The following SYNE1 variants were observed in gnomAD, a reference collection of about 807,000 sequenced individuals.
SYNE1 encodes the protein nesprin-1.
In SYNE1, 616 loss-of-function variants were observed where a neutral mutation model predicts 1,111.0. That is an observed-to-expected ratio of 0.55 (90% CI 0.52 to 0.59). The LOEUF is 0.59. Among genes scored for constraint, SYNE1 ranks in the 20% least tolerant of loss-of-function variants. SYNE1 has a pLI of 0.00. For synonymous variants in SYNE1, 3,855 were observed against 3,825.8 expected, an observed-to-expected ratio of 1.01 and a Z score of -0.28; for missense variants, 10,006 against 10,417.0, an observed-to-expected ratio of 0.96 and a Z score of 1.72.
At chr6:152,483,015 G>T (rs2098917193) in intron 14 of SYNE1, 70 bp downstream of exon 14, 1 of 1,574,442 alleles carries the variant, frequency 6.4e-7, no homozygotes, top group African/African-American at 1.3e-5. Context: ...AGAGCAGGTT[G>T]TAACTAGGCT....
intron 112 of SYNE1, 47 bp from the exon 113 acceptor site, chr6:152,232,312 C>T (rs184918816): frequency 1.2e-6 from 2 of 1,603,084 alleles, no homozygotes; most frequent in African/African-American, 2.7e-5. Context: ...AAAATGGAAA[C>T]CCCAACTTCT....
intron 3 of SYNE1, among the ~76,000 whole-genome samples, chr6:152,580,627 C>G (rs981666410): frequency 6.6e-6 from 1 of 152,112 alleles, no homozygotes; most frequent in African/African-American, 2.4e-5. Context: ...TTTTCTTCTA[C>G]AGTTTTATAG....
intron 73 of SYNE1, 56 bp from the exon 74 acceptor site, chr6:152,344,283 A>T (rs1047513657): frequency 1.9e-6 from 3 of 1,610,974 alleles, no homozygotes; most frequent in Non-Finnish European, 2.5e-6. Context: ...CTCTATAAAG[A>T]TCATTCAAAT....
intron 3 of SYNE1, among the ~76,000 whole-genome samples, chr6:152,540,829 GCC>G (rs2099265800): frequency 6.6e-6 from 1 of 152,208 alleles, no homozygotes; most frequent in Admixed American, 6.5e-5. Context: ...TCAGTGAACA[GCC>G]AGTAAGACAC....
chr6:152,322,818 C>T (rs2095908844), intron 82 of SYNE1, among the ~76,000 whole-genome samples: 1 of 152,174 alleles, frequency 6.6e-6, no homozygotes. Context: ...TTCAATTCCC[C>T]TTCTGAAGGG....
chr6:152,268,401 A>C (rs1243887560), intron 99 of SYNE1, among the ~76,000 whole-genome samples: 4 of 151,654 alleles, frequency 2.6e-5, no homozygotes, highest in African/African-American at 9.7e-5. Context: ...AAAAAAAAAA[A>C]AAACCACCAA....
intron 74 of SYNE1, among the ~76,000 whole-genome samples, chr6:152,342,810 G>A (rs2096558419): frequency 1.3e-5 from 2 of 152,220 alleles, no homozygotes; most frequent in South Asian, 4.1e-4. Flanking sequence ...TTCAGCATGT[G>A]GATGTCAAAT....
Position 152,484,844 on chromosome 6 carries a change from C to T in SYNE1, c.1176G>A (p.Val392=), listed in dbSNP as rs776130961. ...TTGTGGGAGAACTTACCCTGGAGGT[C>T]ACTCTATCCCAAGATTGTTTTACCA... ...QALVKQSWDR[V]TSRLFDWHIQ... The change falls in exon 13 of 146, where the codon GTG becomes GTA. Residue 392 remains valine (V), a synonymous_variant. Coordinates refer to ENST00000367255, the MANE Select transcript of SYNE1 (RefSeq NM_182961.4). 4 of 1,613,798 alleles carry T rather than the reference C, an allele frequency of 2.5e-6. No homozygotes were observed. Among genetic ancestry groups the T allele is most frequent in the Non-Finnish European group, 3.4e-6 (4 of 1,179,960 alleles).
chr6:152,213,675 T>G lies in SYNE1; in HGVS notation c.22431A>C (p.Gln7477His), dbSNP rs752421314. 10 of 1,614,068 alleles carry G rather than the reference T, an allele frequency of 6.2e-6. No individual in the cohort carries two copies. The East Asian group carries it at 2.2e-4, about 36-fold the overall frequency. ...TWMEFLVQTE[Q>H]KLAVEISGNY... ...TTCCTGAAATCTCTACTGCTAACTTTTGTTCTGTCTGAACTAGGAATTCCA... is the reference window on the plus strand; with the variant it reads ...TTCCTGAAATCTCTACTGCTAACTTGTGTTCTGTCTGAACTAGGAATTCCA... The change falls in exon 123 of 146, where the codon CAA becomes CAC. Residue 7477 changes from glutamine to histidine, a missense_variant. By Grantham distance (24) the Gln-to-His change is conservative. Around this residue, in one of 7 missense-constraint regions of SYNE1, gnomAD observed 2,182 missense variants for 2,287.8 expected, o/e 0.95. Transcript: ENST00000367255.
At chr6:152,486,715 A>C (rs1404823173) in intron 12 of SYNE1, among the ~76,000 whole-genome samples, 1 of 152,228 alleles carries the variant, frequency 6.6e-6, no homozygotes, top group Non-Finnish European at 1.5e-5. Flanking sequence ...AAAAGAGTAC[A>C]TGCATATTAA....
At chr6:152,234,585 C>A in intron 111 of SYNE1, 83 bp downstream of exon 111, 2 of 1,562,128 alleles carry the variant, frequency 1.3e-6, no homozygotes, top group Middle Eastern at 1.7e-4. Context: ...GCCACCGCAC[C>A]CGGCCTGACT....
chr6:152,249,039 A>G, intron 105 of SYNE1, 122 bp downstream of exon 105: 1 of 744,514 alleles, frequency 1.3e-6, no homozygotes, highest in Non-Finnish European at 2.4e-6. Flanking sequence ...CTCAAAAACA[A>G]AAATACTACA....
chr6:152,320,602 G>A (rs1038580353), intron 84 of SYNE1, among the ~76,000 whole-genome samples: 24 of 152,060 alleles, frequency 1.6e-4, no homozygotes, highest in African/African-American at 5.8e-4. Context: ...TGAGACCAGA[G>A]ACAGAAATCT....
intron 58 of SYNE1, 96 bp from the exon 59 acceptor site, chr6:152,373,315 T>C: frequency 8.6e-7 from 1 of 1,158,618 alleles, no homozygotes; most frequent in Non-Finnish European, 1.2e-6. Flanking sequence ...AGTCTCACTC[T>C]GTCACTCAGG....
intron 56 of SYNE1, among the ~76,000 whole-genome samples, chr6:152,377,640 A>AAATAT (rs1563520159): frequency 5.0e-4 from 17 of 33,872 alleles, no homozygotes; most frequent in African/African-American, 1.0e-3. Flanking sequence ...AAAAAAAAAA[A>AAATAT]ATATATATAT....
chr6:152,211,676 C>T lies in SYNE1; in HGVS notation c.22495-88G>A, dbSNP rs111794794. On this transcript the variant is annotated intron_variant, in intron 123 of 145. Transcript: ENST00000367255. ...ATAACTTTCCAAATATTCTAGTTTT[C>T]GCAAGACTATGAAAGCTATCACCAG... 312 of 1,143,840 alleles carry T rather than the reference C, an allele frequency of 2.7e-4. 2 individuals carry two copies. The African/African-American group carries it at 3.6e-3, about 13-fold the overall frequency. The allele number at this position is 1,143,840 out of a possible 1,614,324, so 70.9% of individuals were successfully genotyped here.
chr6:152,155,841 T>C, intron 132 of SYNE1, 69 bp downstream of exon 132: 1 of 1,579,750 alleles, frequency 6.3e-7, no homozygotes, highest in Non-Finnish European at 8.7e-7. Flanking sequence ...GAACAGTGGA[T>C]ACTCTGGGTG....
At chr6:152,350,498 T>G in intron 71 of SYNE1, 120 bp downstream of exon 71, 3 of 1,487,288 alleles carry the variant, frequency 2.0e-6, no homozygotes, top group Non-Finnish European at 2.8e-6. Context: ...TAAATATCCA[T>G]CTGAATAAAA....
intron 8 of SYNE1, among the ~76,000 whole-genome samples, chr6:152,508,050 T>C (rs879457751): frequency 7.2e-5 from 11 of 152,252 alleles, no homozygotes; most frequent in Non-Finnish European, 1.6e-4. Context: ...CGAAATATTA[T>C]GATTTTAGGA....
Sources: allele counts gnomAD v4.1 joint callset (sites outside exome capture counted in the v4.1 genomes callset), GRCh38; gene constraint gnomAD v4.1.1; regional missense constraint gnomAD v4.1.1; transcripts MANE v1.5; gene names NCBI Gene and HGNC (gene_info 2026-07-23, HGNC 2026-07-21).